TJP1: variants seen among roughly 807,000 people sequenced by gnomAD.
The protein encoded by TJP1 is tight junction protein ZO-1.
Under a neutral mutation model 194.2 loss-of-function variants are expected in TJP1, and 43 were observed. The observed-to-expected ratio is 0.22, with a 90% CI of 0.17 to 0.29. TJP1 has a LOEUF of 0.29. Ranked by LOEUF, TJP1 falls within the 10% of genes least tolerant of loss-of-function variation. The pLI is 1.00. For synonymous variants in TJP1, 801 were observed against 779.0 expected (o/e 1.03, Z -0.47); for missense variants, 1,971 against 2,185.7 (o/e 0.90, Z 1.96).
At chr15:29,844,234 G>A (rs970590777) in intron 2 of TJP1, among the ~76,000 whole-genome samples, 4 of 151,982 alleles carry the variant, frequency 2.6e-5, no homozygotes, top group African/African-American at 9.7e-5. Flanking sequence ...CCACGCCGGC[G>A]GATTTTTGTA....
Position 29,817,251 on chromosome 15 carries a change from T to C in TJP1, c.27+4751A>G, listed in dbSNP as rs139142954. Among the ~76,000 whole-genome samples the C allele has an allele frequency of 4.8e-3, 736 of 152,310 alleles. 30 individuals are homozygous for C. In the East Asian group the frequency reaches 0.097, roughly 20 times the overall value. ...AAAAAATGCTCATCATCACCGATCA[T>C]TAGAGAAATGCAAATCAAAACCACA... On this transcript the variant is annotated intron_variant, in intron 1 of 27. Transcript: ENST00000614355.
chr15:29,924,411 T>G (rs992607604), intron 2 of TJP1, among the ~76,000 whole-genome samples: 1 of 152,124 alleles, frequency 6.6e-6, no homozygotes, highest in African/African-American at 2.4e-5. Flanking sequence ...AAAATCTAAA[T>G]GTTTAACAGT....
intron 8 of TJP1, among the ~76,000 whole-genome samples, chr15:29,752,052 C>T (rs2045319693): frequency 6.6e-6 from 1 of 152,020 alleles, no homozygotes; most frequent in African/African-American, 2.4e-5. Flanking sequence ...CCTCAGCCTC[C>T]TGAGTACCCA....
chr15:29,718,682 C>A lies in TJP1; in HGVS notation c.3460G>T (p.Ala1154Ser), dbSNP rs771062493. The change falls in exon 21 of 28, where the codon GCC becomes TCC. Residue 1154 changes from alanine (A) to serine (S), a missense_variant. Ala to Ser is a moderately conservative substitution (Grantham distance 99). This residue lies in a region of TJP1 where 1,108 missense variants were observed against 1,128.5 expected (regional missense o/e 0.98). Transcript: ENST00000614355. ...GCTGGCTGCTCTTCGTGCCGCAGGG[C>A]GGATGCTCTAGGTGCCTGTTCGTAA... ...PRYEQAPRAS[A>S]LRHEEQPAPG... The A allele has an allele frequency of 2.5e-6, 4 of 1,614,002 alleles. No individual in the cohort carries two copies. The highest frequency in any genetic ancestry group is 4.5e-5 in the East Asian group (2 of 44,878).
chr15:29,727,583 A>T (rs779175430), intron 16 of TJP1, among the ~76,000 whole-genome samples: 5 of 152,246 alleles, frequency 3.3e-5, no homozygotes, highest in Non-Finnish European at 7.3e-5. Flanking sequence ...TGACAGTATT[A>T]TCCACGTACA....
chr15:29,968,766 TC>T lies in TJP1; in HGVS notation c.73del (p.Asp25ThrfsTer3). ...CAGGTATTTCTGGTACTTCATCTTG[TC>T]CCCGCTCCGCTCGCGGGCAGGGCCC... On this transcript the variant is annotated frameshift_variant, in exon 1 of 29. Transcript: ENST00000356107. LOFTEE classifies it high-confidence loss of function. 1 of 1,223,030 alleles carries T rather than the reference TC, an allele frequency of 8.2e-7. No individual in the cohort carries two copies. The highest frequency in any genetic ancestry group is 1.1e-6 in the Non-Finnish European group (1 of 951,474). 75.8% of individuals were successfully genotyped at this position (1,223,030 alleles called of 1,614,324 possible). A position where few individuals can be genotyped will look rare whatever the true frequency, so the allele number is the denominator to read the frequency against.
At chr15:29,960,108 G>A (rs2056100311) in intron 1 of TJP1, among the ~76,000 whole-genome samples, 1 of 152,124 alleles carries the variant, frequency 6.6e-6, no homozygotes. Flanking sequence ...TCTGTCTAGT[G>A]TTCTTCGTAA....
chr15:29,702,147 T>C (rs987339937), intron 27 of TJP1, among the ~76,000 whole-genome samples: 14 of 152,108 alleles, frequency 9.2e-5, no homozygotes, highest in Admixed American at 3.3e-4. Flanking sequence ...GATCACCTAT[T>C]TGAGCTGAGA....
At chr15:29,953,435 C>A (rs2055828531) in intron 2 of TJP1, among the ~76,000 whole-genome samples, 1 of 152,142 alleles carries the variant, frequency 6.6e-6, no homozygotes, top group African/African-American at 2.4e-5. Context: ...AGCCACCATG[C>A]CTGGCCAAAA....
At position 29,950,159 on chromosome 15, in the gene TJP1, A is replaced by ACCACCACAACCACTACCTCCACCT. The variant is rs1567228214; in HGVS notation, c.306+6049_306+6072dup. Reference sequence around the variant, plus strand: ...CACCACCACAACCACCACCTCCACCACCACCACAACCACTACCTCCACCTC... The same window carrying ACCACCACAACCACTACCTCCACCT: ...CACCACCACAACCACCACCTCCACCACCACCACAACCACTACCTCCACCTCCACCACAACCACTACCTCCACCTC... On this transcript the variant is annotated intron_variant, in intron 2 of 28. Coordinates refer to the TJP1 transcript ENST00000356107. 2.0e-4 allele frequency among the ~76,000 whole-genome samples: 17 copies of ACCACCACAACCACTACCTCCACCT among 87,076 alleles called. 1 individual carries two copies. Among genetic ancestry groups the ACCACCACAACCACTACCTCCACCT allele is most frequent in the African/African-American group, 6.8e-4 (15 of 21,990 alleles). The allele number at this position is 87,076 out of a possible 152,430, so 57.1% of individuals were successfully genotyped here. A position where few individuals can be genotyped will look rare whatever the true frequency, so the allele number is the denominator to read the frequency against.
At position 29,822,040 on chromosome 15, in the gene TJP1, C is replaced by A; in HGVS notation, c.-12G>T. On this transcript the variant is annotated 5_prime_UTR_variant, in exon 1 of 28. Transcript: ENST00000614355. ...GCTCTGGCGGACATCTTGTCTCTCT[C>A]CAGCGCCGCGCGAGGCTCCTCGGAC... 1.5e-6 allele frequency: 2 copies of A among 1,324,814 alleles called. No homozygotes were observed. The allele number at this position is 1,324,814 out of a possible 1,614,324, so 82.1% of individuals were successfully genotyped here.
chr15:29,941,977 C>T (rs993379510), intron 2 of TJP1, among the ~76,000 whole-genome samples: 3 of 152,116 alleles, frequency 2.0e-5, no homozygotes, highest in Non-Finnish European at 4.4e-5. Context: ...GAGGTGGCTG[C>T]GGTCTCCATG....
rs151125797 is a variant in TJP1 at position 29,749,637 on chromosome 15, G to A, written c.1011-6856C>T. Among the ~76,000 whole-genome samples the A allele has an allele frequency of 8.1e-3, 1,235 of 152,274 alleles. 7 individuals are homozygous for A. Among genetic ancestry groups the A allele is most frequent in the Non-Finnish European group, 0.014 (926 of 68,020 alleles). On this transcript the variant is annotated intron_variant, in intron 8 of 27. Coordinates refer to ENST00000614355, the MANE Select transcript of TJP1 (RefSeq NM_001330239.4). ...TTCTGTTGTGTGAAGTCTCCCATGA[G>A]ATACCTCCCCAGCACATGGGAGTAC... is the stretch of plus-strand genomic sequence containing the variant.
intron 2 of TJP1, among the ~76,000 whole-genome samples, chr15:29,926,525 T>C (rs1398544007): frequency 5.9e-5 from 9 of 151,814 alleles, no homozygotes. Flanking sequence ...GGCAGGAGAA[T>C]TGCTTGAACC....
At chr15:29,776,143 CA>C (rs1173157899) in intron 2 of TJP1, among the ~76,000 whole-genome samples, 1 of 151,796 alleles carries the variant, frequency 6.6e-6, no homozygotes, top group Non-Finnish European at 1.5e-5. Context: ...GTGCAAAATA[CA>C]AAATAAAAAT....
In TJP1 at chr15:29,822,141, C is replaced by T. The variant is rs2050429686; in HGVS notation, c.-113G>A. ...AAACATCTCCCGAGAGCGAGCGGGG[C>T]ACGGGCGGGGGCGGCCGGAAGGGCC... is the stretch of plus-strand genomic sequence containing the variant. On this transcript the variant is annotated 5_prime_UTR_variant, in exon 1 of 28. Transcript: ENST00000614355. 1.1e-5 allele frequency: 13 copies of T among 1,194,860 alleles called. No homozygotes were observed. The highest frequency in any genetic ancestry group is 1.2e-5 in the Non-Finnish European group (12 of 962,836). The allele number at this position is 1,194,860 out of a possible 1,614,324, so 74.0% of individuals were successfully genotyped here. A position where few individuals can be genotyped will look rare whatever the true frequency, so the allele number is the denominator to read the frequency against.
At chr15:29,886,161 G>T (rs1469706642) in intron 2 of TJP1, among the ~76,000 whole-genome samples, 1 of 152,160 alleles carries the variant, frequency 6.6e-6, no homozygotes, top group Non-Finnish European at 1.5e-5. Context: ...TTAAACATCA[G>T]CAGTGTAGAA....
intron 23 of TJP1, among the ~76,000 whole-genome samples, chr15:29,711,392 G>A (rs771367609): frequency 6.6e-6 from 1 of 152,060 alleles, no homozygotes; most frequent in African/African-American, 2.4e-5. Flanking sequence ...TTGAGACAGG[G>A]TCTCATTCTG....
At chr15:29,893,728 T>C (rs536994597) in intron 2 of TJP1, among the ~76,000 whole-genome samples, 1 of 146,914 alleles carries the variant, frequency 6.8e-6, no homozygotes, top group Admixed American at 6.8e-5. Flanking sequence ...AACTATAGTA[T>C]AGTGCAAACA....
Sources: gnomAD v4.1 joint callset for allele counts (sites outside exome capture counted in the v4.1 genomes callset) on GRCh38, gnomAD v4.1.1 for gene constraint, gnomAD v4.1.1 regional missense constraint, MANE v1.5 for transcripts, NCBI Gene and HGNC (gene_info 2026-07-23, HGNC 2026-07-21) for gene names.